Variants in H6PD observed in about 807,000 individuals in gnomAD.
H6PD encodes GDH/6PGL endoplasmic bifunctional protein.
Under a neutral mutation model 61.2 loss-of-function variants are expected in H6PD, and 48 were observed. The ratio of observed to expected loss-of-function variants is 0.78; its 90% CI spans 0.62 to 1.00. The LOEUF (loss-of-function observed/expected upper bound fraction) is 1.00. H6PD is among the 50% of genes least tolerant of loss of function. H6PD has a pLI of 0.00. For missense variants in H6PD, 1,093 were observed against 1,065.0 expected (o/e 1.03, Z -0.37); for synonymous variants, 480 against 457.9 (o/e 1.05, Z -0.62).
chr1:9,258,238 GTGTTATGTTGGTGTTGTTACATCAGTGT>G lies in H6PD; in HGVS notation c.746-3815_746-3788del, dbSNP rs1156280889. Among the ~76,000 whole-genome samples the G allele has an allele frequency of 5.3e-5, 8 of 151,198 alleles. No individual in the cohort carries two copies. The East Asian group carries it at 7.9e-4, about 15-fold the overall frequency. On this transcript the variant is annotated intron_variant, in intron 3 of 4. Coordinates refer to ENST00000377403, the MANE Select transcript of H6PD (RefSeq NM_004285.4). ...TTATGTTGCTGTTGTTACGCTGGTG[GTGTTATGTTGGTGTTGTTACATCAGTGT>G]TGTTACGTTGCTGTTGTTACACCCG...
At position 9,263,837 on chromosome 1, in the gene H6PD, C is replaced by G; in HGVS notation, c.1344C>G (p.Ala448=). 3 of 1,613,994 alleles carry G rather than the reference C, an allele frequency of 1.9e-6. No homozygotes were observed. The highest frequency in any genetic ancestry group is 2.5e-6 in the Non-Finnish European group (3 of 1,180,006). Residue 448 remains alanine, a synonymous_variant, in exon 5 of 5, where the codon GCC becomes GCG. Transcript: ENST00000377403. The stretch of plus-strand genomic sequence containing the variant: ...GCAGCCCTCTGTCCGATTACTACGC[C>G]TACAGCCCTGTGCGGGAGCGGGACG... ...LFGSPLSDYY[A]YSPVRERDAH... is the part of the protein sequence containing the mutation.
rs1277932747 is a variant in H6PD, at chr1:9,269,968, C to T, written c.*5099C>T. On this transcript the variant is annotated 3_prime_UTR_variant, in exon 5 of 5. Transcript: ENST00000377403. The surrounding 1 kb of genome is among the most constrained non-coding windows in gnomAD (Gnocchi z 4.3). ...GGTGCAACCGGGCTCATGCTGTCATCAGCACAAGACGGGATGGCAAGGGCT... is the reference window on the plus strand; with the variant it reads ...GGTGCAACCGGGCTCATGCTGTCATTAGCACAAGACGGGATGGCAAGGGCT... 6.6e-6 allele frequency: 1 copy of T among 152,614 alleles called. No individual in the cohort carries two copies. The highest frequency in any genetic ancestry group is 1.5e-5 in the Non-Finnish European group (1 of 68,056). The allele number at this position is 152,614 out of a possible 1,614,324, so 9.5% of individuals were successfully genotyped here. A position where few individuals can be genotyped will look rare whatever the true frequency, so the allele number is the denominator to read the frequency against.
At position 9,265,320 on chromosome 1, in the gene H6PD, G is replaced by C; in HGVS notation, c.*451G>C. 1 of 330,730 alleles carries C rather than the reference G, an allele frequency of 3.0e-6. No homozygotes were observed. Among genetic ancestry groups the C allele is most frequent in the Non-Finnish European group, 5.9e-6 (1 of 169,656 alleles). 20.5% of individuals were successfully genotyped at this position (330,730 alleles called of 1,614,324 possible). On this transcript the variant is annotated 3_prime_UTR_variant, in exon 5 of 5. Coordinates refer to ENST00000377403, the MANE Select transcript of H6PD (RefSeq NM_004285.4). ...TCAGAGCATGATTGGTAGACAGAAG[G>C]GTGCAGAGGCGCCCAGGGGAGTACA...
chr1:9,242,869 C>T lies in H6PD; in HGVS notation c.-10-2056C>T, dbSNP rs1435358144. On this transcript the variant is annotated intron_variant, in intron 1 of 4. Transcript: ENST00000377403. Reference sequence around the variant, plus strand: ...CTCCTGCACTGACCTTGCAGCTTCTCCTTCTCTCCAGACGAGCGATTGCCG... The same window carrying T: ...CTCCTGCACTGACCTTGCAGCTTCTTCTTCTCTCCAGACGAGCGATTGCCG... 1.2e-5 allele frequency: 12 copies of T among 984,690 alleles called. No individual in the cohort carries two copies. The South Asian group carries it at 1.9e-4, about 15-fold the overall frequency. The allele number at this position is 984,690 out of a possible 1,614,324, so 61.0% of individuals were successfully genotyped here. A position where few individuals can be genotyped will look rare whatever the true frequency, so the allele number is the denominator to read the frequency against.
In H6PD at chr1:9,264,341, G is replaced by A; in HGVS notation, c.1848G>A (p.Leu616=). ...GCTTCCCCTGGGCCCACACGCACCT[G>A]TGGCTGGTTGACGAGCGCTGCGTCC... The part of the protein sequence containing the change: ...HYGFPWAHTH[L]WLVDERCVPL... Residue 616 remains leucine (L), a synonymous_variant, in exon 5 of 5, where the codon CTG becomes CTA. Transcript: ENST00000377403. 1 of 1,612,332 alleles carries A rather than the reference G, an allele frequency of 6.2e-7. No homozygotes were observed. Among genetic ancestry groups the A allele is most frequent in the East Asian group, 2.2e-5 (1 of 44,872 alleles).
chr1:9,239,518 C>CA (rs1259069853), intron 1 of H6PD, among the ~76,000 whole-genome samples: 9 of 151,992 alleles, frequency 5.9e-5, no homozygotes, highest in Non-Finnish European at 1.0e-4. Flanking sequence ...AGGAAGATTG[C>CA]AAAAAACAGA....
chr1:9,238,160 C>G (rs139564935), intron 1 of H6PD, among the ~76,000 whole-genome samples: 8 of 152,120 alleles, frequency 5.3e-5, no homozygotes, highest in Non-Finnish European at 1.0e-4. Context: ...GAGTAAACCA[C>G]GTGGACCTGG....
chr1:9,247,748 C>T (rs1447659332), intron 3 of H6PD, among the ~76,000 whole-genome samples: 1 of 152,220 alleles, frequency 6.6e-6, no homozygotes, highest in Admixed American at 6.5e-5. Flanking sequence ...GTCATGCCCA[C>T]CGCTGCCTTC....
rs1201486187 is a variant in H6PD at position 9,268,488 on chromosome 1, C to T, written c.*3619C>T. 6.6e-6 allele frequency: 1 copy of T among 152,244 alleles called. No homozygotes were observed. The highest frequency in any genetic ancestry group is 1.5e-5 in the Non-Finnish European group (1 of 68,052). 9.4% of individuals were successfully genotyped at this position (152,244 alleles called of 1,614,324 possible). A position where few individuals can be genotyped will look rare whatever the true frequency, so the allele number is the denominator to read the frequency against. On this transcript the variant is annotated 3_prime_UTR_variant, in exon 5 of 5. Coordinates refer to ENST00000377403, the MANE Select transcript of H6PD (RefSeq NM_004285.4). ...GGGCCCATAAATGGCAGAAGGGCCC[C>T]TCCTTTGGGAGACCTTGTCAGTCAG...
intron 1 of H6PD, chr1:9,242,676 C>A (rs985083457): frequency 1.0e-4 from 102 of 985,352 alleles, no homozygotes; most frequent in Non-Finnish European, 1.1e-4. Context: ...TGGGGCTCCC[C>A]CACCTGCCCA....
intron 3 of H6PD, among the ~76,000 whole-genome samples, chr1:9,247,786 T>C (rs11804534): frequency 0.25 from 38,427 of 152,094 alleles, 5,180 homozygotes; most frequent in East Asian, 0.43. Context: ...ATGTCACTCC[T>C]TGCAGCTGTG....
At position 9,264,313 on chromosome 1, in the gene H6PD, A is replaced by G. The variant is rs17368556; in HGVS notation, c.1820A>G (p.Tyr607Cys). Residue 607 changes from tyrosine to cysteine, a missense_variant, in exon 5 of 5, where the codon TAT becomes TGT. Physicochemically the swap from Tyr to Cys is radical, Grantham distance 194. Transcript: ENST00000377403. ...ALFQQLATAH[Y>C]GFPWAHTHLW... Reference sequence around the variant, plus strand: ...TTCCAGCAGCTGGCCACGGCGCACTATGGCTTCCCCTGGGCCCACACGCAC... The same window carrying G: ...TTCCAGCAGCTGGCCACGGCGCACTGTGGCTTCCCCTGGGCCCACACGCAC... 13 of 1,611,692 alleles carry G rather than the reference A, an allele frequency of 8.1e-6. No homozygotes were observed. Among genetic ancestry groups the G allele is most frequent in the Middle Eastern group, 1.7e-4 (1 of 6,060 alleles).
intron 1 of H6PD, among the ~76,000 whole-genome samples, chr1:9,237,236 CTTT>C (rs370751354): frequency 2.1e-4 from 15 of 71,078 alleles, no homozygotes; most frequent in East Asian, 5.3e-4. Context: ...TTTGACTTCT[CTTT>C]TTTTTTTTTT....
At chr1:9,257,121 T>A (rs1641544312) in intron 3 of H6PD, among the ~76,000 whole-genome samples, 1 of 152,030 alleles carries the variant, frequency 6.6e-6, no homozygotes, top group African/African-American at 2.4e-5. Context: ...TTGGTCACTT[T>A]ATATCCTGTT....
intron 3 of H6PD, among the ~76,000 whole-genome samples, chr1:9,256,406 C>T (rs72855978): frequency 0.032 from 4,862 of 152,280 alleles, 226 homozygotes; most frequent in African/African-American, 0.11. Flanking sequence ...TGCCTTCCTA[C>T]GAGTGGCTGC....
intron 3 of H6PD, among the ~76,000 whole-genome samples, chr1:9,249,790 G>T (rs750946317): frequency 3.9e-5 from 6 of 152,200 alleles, no homozygotes; most frequent in Non-Finnish European, 7.4e-5. Flanking sequence ...TCACTGGTTG[G>T]CTTGTTTACC....
At chr1:9,258,191 C>T (rs534420184) in intron 3 of H6PD, among the ~76,000 whole-genome samples, 52 of 152,238 alleles carry the variant, frequency 3.4e-4, no homozygotes, top group African/African-American at 1.2e-3. Flanking sequence ...ATTGTTACAC[C>T]GGTGTTGTTA....
rs184842419 is a variant in H6PD, at chr1:9,264,016, G to A, written c.1523G>A (p.Gly508Asp). 7.1e-5 allele frequency: 115 copies of A among 1,614,210 alleles called. 2 individuals are homozygous for A. The East Asian group carries it at 2.5e-3, about 35-fold the overall frequency. ...CTCTACCCTGGAGGAGCTGAGAATGGCCGTCTGTTGGACTTTGAGTTCAGT... is the reference window on the plus strand; with the variant it reads ...CTCTACCCTGGAGGAGCTGAGAATGACCGTCTGTTGGACTTTGAGTTCAGT... ...PRLYPGGAEN[G>D]RLLDFEFSSG... Residue 508 changes from glycine to aspartate, a missense_variant, in exon 5 of 5, where the codon GGC (glycine) becomes GAC (aspartate). Transcript: ENST00000377403.
chr1:9,264,951 C>T lies in H6PD; in HGVS notation c.*82C>T. On this transcript the variant is annotated 3_prime_UTR_variant, in exon 5 of 5. Coordinates refer to ENST00000377403, the MANE Select transcript of H6PD (RefSeq NM_004285.4). ...CCTCCCTTCTCGGCCCCGCCACCTGCCCAGCGTGCCCTGGCTCTCCAGAAC... is the reference window on the plus strand; with the variant it reads ...CCTCCCTTCTCGGCCCCGCCACCTGTCCAGCGTGCCCTGGCTCTCCAGAAC... 6.8e-7 allele frequency: 1 copy of T among 1,461,806 alleles called. No homozygotes were observed. The highest frequency in any genetic ancestry group is 9.4e-7 in the Non-Finnish European group (1 of 1,061,652). The allele number at this position is 1,461,806 out of a possible 1,614,324, so 90.6% of individuals were successfully genotyped here. A position where few individuals can be genotyped will look rare whatever the true frequency, so the allele number is the denominator to read the frequency against.
Sources: allele counts gnomAD v4.1 joint callset (sites outside exome capture counted in the v4.1 genomes callset), GRCh38; gene constraint gnomAD v4.1.1; non-coding constraint Gnocchi (gnomAD v3.1); transcripts MANE v1.5; gene names NCBI Gene and HGNC (gene_info 2026-07-23, HGNC 2026-07-21).